The following OPCML variants were observed in gnomAD, a reference collection of about 807,000 sequenced individuals.
The protein encoded by OPCML is opioid binding protein/cell adhesion molecule like, also known as opioid-binding protein/cell adhesion molecule.
Under a neutral mutation model 37.8 loss-of-function variants are expected in OPCML, and 13 were observed. The ratio of observed to expected loss-of-function variants is 0.34; its 90% confidence interval spans 0.22 to 0.55. The LOEUF is 0.55. Among genes scored for constraint, OPCML ranks in the 20% least tolerant of loss-of-function variants. OPCML has a pLI of 0.91. For synonymous variants in OPCML, 176 were observed against 168.8 expected (o/e 1.04, Z -0.33); for missense variants, 341 against 435.6 (o/e 0.78, Z 1.93).
At position 133,177,296 on chromosome 11, in the gene OPCML, A is replaced by C. The variant is rs1937618476; in HGVS notation, c.62-234286T>G. On this transcript the variant is annotated intron_variant, in intron 1 of 7. Transcript: ENST00000524381. The surrounding 1 kb of genome is among the most constrained non-coding windows in gnomAD (Gnocchi z 5.0). ...TGAAAGAAGTGGGAAATAAAGCTGG[A>C]TGACTTTGAAGGACTTTTTAAGATT... is the stretch of plus-strand genomic sequence containing the variant. 2.6e-5 allele frequency among the ~76,000 whole-genome samples: 4 copies of C among 152,202 alleles called. No individual in the cohort carries two copies. Among genetic ancestry groups the C allele is most frequent in the Admixed American group, 2.6e-4 (4 of 15,272 alleles).
chr11:132,530,207 C>T (rs1265974482), intron 3 of OPCML, among the ~76,000 whole-genome samples: 5 of 152,062 alleles, frequency 3.3e-5, no homozygotes, highest in Non-Finnish European at 7.4e-5. Flanking sequence ...CAACAGTTTT[C>T]CTCTCATGGG....
At chr11:132,827,979 C>T (rs537302289) in intron 2 of OPCML, among the ~76,000 whole-genome samples, 18 of 152,166 alleles carry the variant, frequency 1.2e-4, no homozygotes, top group African/African-American at 3.9e-4. Context: ...TGCCCAAACT[C>T]GCAAACAACC....
At position 132,443,647 on chromosome 11, in the gene OPCML, C is replaced by A. The variant is rs79986371; in HGVS notation, c.506-6288G>T. Among the ~76,000 whole-genome samples the A allele has an allele frequency of 4.8e-3, 733 of 152,318 alleles. 2 individuals carry two copies. Among genetic ancestry groups the A allele is most frequent in the African/African-American group, 0.017 (689 of 41,576 alleles). ...AAGCTGTCAAGGAACACAGATTTTA[C>A]TTCTGTAAGGGAAGAACCATGTTTG... is the stretch of plus-strand genomic sequence containing the variant. On this transcript the variant is annotated intron_variant, in intron 4 of 7. Transcript: ENST00000524381.
chr11:132,681,740 G>A (rs971354206), intron 2 of OPCML, among the ~76,000 whole-genome samples: 2 of 152,090 alleles, frequency 1.3e-5, no homozygotes, highest in African/African-American at 2.4e-5. Context: ...CAGATCACGA[G>A]GTCAGGAGAT....
At chr11:132,851,922 C>G (rs569650098) in intron 2 of OPCML, among the ~76,000 whole-genome samples, 1 of 152,174 alleles carries the variant, frequency 6.6e-6, no homozygotes, top group Non-Finnish European at 1.5e-5. Context: ...GTTCAGGACA[C>G]GCCACCTCTT....
intron 2 of OPCML, among the ~76,000 whole-genome samples, chr11:132,782,837 A>C (rs1057271515): frequency 6.7e-6 from 1 of 149,282 alleles, no homozygotes; most frequent in Non-Finnish European, 1.5e-5. Context: ...TTATATCTCT[A>C]TATAAATATA....
In OPCML at chr11:132,688,759, A is replaced by C. The variant is rs1303707947; in HGVS notation, c.147-31440T>G. On this transcript the variant is annotated intron_variant, in intron 2 of 7. Coordinates refer to ENST00000524381, the MANE Select transcript of OPCML (RefSeq NM_001012393.5). ...GAGATCGAGACCATCCTGGCTAACA[A>C]GGTGAAACCCCGTCTCTACTAAAAA... is the stretch of plus-strand genomic sequence containing the variant. Among the ~76,000 whole-genome samples, 5 of 35,416 alleles carry C rather than the reference A, an allele frequency of 1.4e-4. 1 individual carries two copies. Among genetic ancestry groups the C allele is most frequent in the South Asian group, 7.4e-4 (1 of 1,360 alleles). The allele number at this position is 35,416 out of a possible 152,430, so 23.2% of individuals were successfully genotyped here. A position where few individuals can be genotyped will look rare whatever the true frequency, so the allele number is the denominator to read the frequency against.
At chr11:132,427,982 AC>A (rs2095983279) in intron 7 of OPCML, among the ~76,000 whole-genome samples, 3 of 152,204 alleles carry the variant, frequency 2.0e-5, no homozygotes, top group Non-Finnish European at 4.4e-5. Flanking sequence ...TTCCCTTCCC[AC>A]CTGGATTTAA....
chr11:132,570,452 C>T (rs1288582075), intron 3 of OPCML, among the ~76,000 whole-genome samples: 1 of 151,886 alleles, frequency 6.6e-6, no homozygotes, highest in Non-Finnish European at 1.5e-5. Context: ...CAGGAGCAGG[C>T]AGGATATGCT....
intron 2 of OPCML, among the ~76,000 whole-genome samples, chr11:132,814,604 G>A (rs1475978650): frequency 6.6e-6 from 1 of 152,184 alleles, no homozygotes; most frequent in Non-Finnish European, 1.5e-5. Flanking sequence ...CTAGTTTAAT[G>A]AGTCCGCAGT....
At chr11:132,758,440 G>C (rs1946138923) in intron 2 of OPCML, among the ~76,000 whole-genome samples, 3 of 152,156 alleles carry the variant, frequency 2.0e-5, no homozygotes, top group Admixed American at 2.0e-4. Flanking sequence ...CCATGAGCAT[G>C]GAATGATTTT....
In OPCML at chr11:133,457,778, A is replaced by G. The variant is rs767844531; in HGVS notation, c.61+74486T>C. On this transcript the variant is annotated intron_variant, in intron 1 of 7. Coordinates refer to ENST00000524381, the MANE Select transcript of OPCML (RefSeq NM_001012393.5). ...TAAGAGCGGACGTAGTTCATTACCA[A>G]TAGACTTGTTCCAGAAGAAATGCTA... Among the ~76,000 whole-genome samples the G allele has an allele frequency of 1.3e-5, 2 of 152,104 alleles. 1 individual carries two copies. The highest frequency in any genetic ancestry group is 4.1e-4 in the South Asian group (2 of 4,826).
intron 3 of OPCML, among the ~76,000 whole-genome samples, chr11:132,606,989 C>A (rs1189658536): frequency 6.6e-6 from 1 of 152,082 alleles, no homozygotes; most frequent in African/African-American, 2.4e-5. Context: ...GTATGTGTGG[C>A]ATAACTTAGA....
chr11:132,604,533 C>T lies in OPCML; in HGVS notation c.379+52554G>A, dbSNP rs1019982856. 2.0e-5 allele frequency among the ~76,000 whole-genome samples: 3 copies of T among 152,132 alleles called. No individual in the cohort carries two copies. The South Asian group carries it at 6.2e-4, about 32-fold the overall frequency. Reference sequence around the variant, plus strand: ...TCTGATGCCCTTATGAACTCTGAGGCCTTTTCTAAGTGGAGGCCAGGCTGC... The same window carrying T: ...TCTGATGCCCTTATGAACTCTGAGGTCTTTTCTAAGTGGAGGCCAGGCTGC... On this transcript the variant is annotated intron_variant, in intron 3 of 7. Coordinates refer to ENST00000524381, the MANE Select transcript of OPCML (RefSeq NM_001012393.5).
intron 1 of OPCML, among the ~76,000 whole-genome samples, chr11:133,230,361 A>G (rs776823010): frequency 6.6e-6 from 1 of 151,374 alleles, no homozygotes; most frequent in East Asian, 1.9e-4. Context: ...AAAGGCATTC[A>G]CCCTCCCACT....
At chr11:133,490,935 T>G (rs1947640994) in intron 1 of OPCML, among the ~76,000 whole-genome samples, 1 of 152,224 alleles carries the variant, frequency 6.6e-6, no homozygotes, top group Admixed American at 6.5e-5. Context: ...GCCAATCTCT[T>G]CTCACTAGAA....
chr11:132,513,415 T>G (rs113060269), intron 4 of OPCML, among the ~76,000 whole-genome samples: 1 of 152,194 alleles, frequency 6.6e-6, no homozygotes, highest in African/African-American at 2.4e-5. Context: ...CAGATTTTGC[T>G]TACATTAATT....
At chr11:133,314,198 G>A (rs1187077507) in intron 1 of OPCML, among the ~76,000 whole-genome samples, 2 of 115,736 alleles carry the variant, frequency 1.7e-5, no homozygotes, top group Non-Finnish European at 3.2e-5. Context: ...TCGCGCCACT[G>A]CACTCCAGCC....
At chr11:132,421,064 A>G (rs945191856) in intron 7 of OPCML, among the ~76,000 whole-genome samples, 1 of 152,044 alleles carries the variant, frequency 6.6e-6, no homozygotes, top group Non-Finnish European at 1.5e-5. Flanking sequence ...AGTCCACAGT[A>G]TCATGAGTGC....
Sources: gnomAD v4.1 joint callset for allele counts (sites outside exome capture counted in the v4.1 genomes callset) on GRCh38, gnomAD v4.1.1 for gene constraint, Gnocchi (gnomAD v3.1) non-coding constraint, MANE v1.5 for transcripts, NCBI Gene and HGNC (gene_info 2026-07-23, HGNC 2026-07-21) for gene names.